The following RBM6 variants were observed in gnomAD, a reference collection of about 807,000 sequenced individuals.
RBM6 encodes the protein RNA binding motif protein 6.
Under a neutral mutation model 140.4 loss-of-function variants are expected in RBM6, and 23 were observed. The observed-to-expected ratio is 0.16, with a 90% CI of 0.12 to 0.23. The LOEUF is 0.23. RBM6 is among the 10% of genes least tolerant of loss of function. The pLI is 1.00. For synonymous variants in RBM6, 439 were observed against 475.6 expected (o/e 0.92, Z 1.00); for missense variants, 1,139 against 1,386.7 (o/e 0.82, Z 2.84).
intron 15 of RBM6, among the ~76,000 whole-genome samples, chr3:50,062,787 ATT>A (rs1426863400): frequency 6.6e-6 from 1 of 151,634 alleles, no homozygotes; most frequent in Non-Finnish European, 1.5e-5. Flanking sequence ...TATATACTCT[ATT>A]ATTTTTAATG....
intron 18 of RBM6, among the ~76,000 whole-genome samples, chr3:50,069,378 G>T (rs2090222249): frequency 6.6e-6 from 1 of 151,940 alleles, no homozygotes; most frequent in Non-Finnish European, 1.5e-5. Context: ...GTGGACATGG[G>T]GTGTGTGCCT....
chr3:49,982,262 CTTTTTTTTTTT>C (rs751604271), intron 5 of RBM6, among the ~76,000 whole-genome samples: 42 of 68,396 alleles, frequency 6.1e-4, no homozygotes, highest in East Asian at 1.3e-3. Flanking sequence ...CTTTTCTTTT[CTTTTTTTTTTT>C]TTTTTTTTTT....
rs1448237155 is a variant in RBM6 at position 50,061,443 on chromosome 3, C to G, written c.2354-19C>G. 1 of 1,587,592 alleles carries G rather than the reference C, an allele frequency of 6.3e-7. No homozygotes were observed. Among genetic ancestry groups the G allele is most frequent in the Non-Finnish European group, 8.5e-7 (1 of 1,173,540 alleles). On this transcript the variant is annotated intron_variant, in intron 13 of 20. Coordinates refer to ENST00000266022, the MANE Select transcript of RBM6 (RefSeq NM_005777.3). ...CATTGGACAGAGACTAACATTGGCT[C>G]TGATCTTGTTACCTTTAGCATCATC...
rs558177514 is a variant in RBM6, at chr3:49,993,905, G to A, written c.1484-5535G>A. Among the ~76,000 whole-genome samples the A allele has an allele frequency of 3.9e-5, 6 of 152,186 alleles. No individual in the cohort carries two copies. The East Asian group carries it at 1.2e-3, about 29-fold the overall frequency. Reference sequence around the variant, plus strand: ...TGCAGTGGGCCGAGATAGTGCCATTGCACTCTAGCCTGGGCGACAAAGGTG... The same window carrying A: ...TGCAGTGGGCCGAGATAGTGCCATTACACTCTAGCCTGGGCGACAAAGGTG... On this transcript the variant is annotated intron_variant, in intron 5 of 20. Coordinates refer to ENST00000266022, the MANE Select transcript of RBM6 (RefSeq NM_005777.3).
intron 6 of RBM6, among the ~76,000 whole-genome samples, chr3:50,003,380 A>G (rs2086433416): frequency 6.6e-6 from 1 of 150,556 alleles, no homozygotes; most frequent in Non-Finnish European, 1.5e-5. Flanking sequence ...CCAAATTGGT[A>G]TGGATTCTGA....
intron 6 of RBM6, among the ~76,000 whole-genome samples, chr3:50,029,719 C>T (rs1247873551): frequency 2.6e-5 from 4 of 151,744 alleles, no homozygotes; most frequent in African/African-American, 7.3e-5. Context: ...GGCGACAGAG[C>T]GAGACTCTGT....
intron 5 of RBM6, among the ~76,000 whole-genome samples, chr3:49,988,436 G>T (rs1001003624): frequency 6.6e-6 from 1 of 151,766 alleles, no homozygotes; most frequent in Admixed American, 6.6e-5. Flanking sequence ...GAGCCAGTGC[G>T]CCTGGCCTTC....
intron 7 of RBM6, among the ~76,000 whole-genome samples, chr3:50,053,227 T>C (rs1010824343): frequency 6.6e-6 from 1 of 151,866 alleles, no homozygotes; most frequent in Admixed American, 6.6e-5. Flanking sequence ...AAATACATGG[T>C]ATGTACTATT....
intron 1 of RBM6, among the ~76,000 whole-genome samples, chr3:49,947,274 G>T (rs1000212659): frequency 5.7e-5 from 5 of 87,628 alleles, no homozygotes; most frequent in African/African-American, 1.1e-4. Flanking sequence ...GGGGGGGGGG[G>T]GGGTTTTGAG....
intron 6 of RBM6, among the ~76,000 whole-genome samples, chr3:50,001,314 G>GA (rs1334217136): frequency 6.6e-6 from 1 of 151,928 alleles, no homozygotes. Flanking sequence ...AAATAAAAGT[G>GA]AAAAAATTAG....
intron 4 of RBM6, 135 bp downstream of exon 4, chr3:49,972,283 C>T: frequency 3.0e-6 from 2 of 674,006 alleles, no homozygotes; most frequent in Non-Finnish European, 5.0e-6. Context: ...TTCCCATCTT[C>T]CCTCAGTGTT....
chr3:49,953,081 G>C lies in RBM6; in HGVS notation c.-66-9495G>C, dbSNP rs568948173. Among the ~76,000 whole-genome samples, 3 of 151,996 alleles carry C rather than the reference G, an allele frequency of 2.0e-5. No individual in the cohort carries two copies. The East Asian group carries it at 5.8e-4, about 30-fold the overall frequency. On this transcript the variant is annotated intron_variant, in intron 1 of 20. Coordinates refer to ENST00000266022, the MANE Select transcript of RBM6 (RefSeq NM_005777.3). ...CTTCTTTTCTTTTTTTTTGAGGCAG[G>C]GTCTTGCTCTGTTGCCCAGGCTGGA...
intron 5 of RBM6, among the ~76,000 whole-genome samples, chr3:49,983,177 T>G (rs2085390585): frequency 6.6e-6 from 1 of 152,254 alleles, no homozygotes; most frequent in South Asian, 2.1e-4. Flanking sequence ...AACAGGCTCA[T>G]GTCCTTTCAT....
At chr3:49,959,336 C>T (rs2084170795) in intron 1 of RBM6, among the ~76,000 whole-genome samples, 1 of 149,928 alleles carries the variant, frequency 6.7e-6, no homozygotes, top group Non-Finnish European at 1.5e-5. Context: ...CTACAGGTGC[C>T]CGCCACCACG....
At chr3:49,971,145 A>C (rs1258924428) in intron 3 of RBM6, among the ~76,000 whole-genome samples, 1 of 151,930 alleles carries the variant, frequency 6.6e-6, no homozygotes, top group East Asian at 1.9e-4. Context: ...GCATGTGTGT[A>C]ATCCCAGCTA....
At chr3:49,942,122 A>G (rs1358711272) in intron 1 of RBM6, among the ~76,000 whole-genome samples, 1 of 151,564 alleles carries the variant, frequency 6.6e-6, no homozygotes, top group Non-Finnish European at 1.5e-5. Flanking sequence ...TCAATTAAAT[A>G]AATTGTGGTA....
chr3:50,043,587 C>T (rs944366083), intron 6 of RBM6, among the ~76,000 whole-genome samples: 2 of 151,192 alleles, frequency 1.3e-5, no homozygotes, highest in East Asian at 1.9e-4. Context: ...TATATATGGC[C>T]CCTCTTTTTT....
intron 5 of RBM6, among the ~76,000 whole-genome samples, chr3:49,986,707 T>C (rs1445938411): frequency 6.6e-6 from 1 of 151,916 alleles, no homozygotes; most frequent in African/African-American, 2.4e-5. Context: ...TTTGTCTCTT[T>C]CTCTCTCTTC....
intron 16 of RBM6, among the ~76,000 whole-genome samples, chr3:50,065,420 C>G (rs1053133660): frequency 7.9e-5 from 12 of 152,204 alleles, no homozygotes; most frequent in African/African-American, 2.9e-4. Flanking sequence ...CTTGTCAGTT[C>G]TCTAAATCAC....
Sources: gnomAD v4.1 joint callset for allele counts (sites outside exome capture counted in the v4.1 genomes callset) on GRCh38, gnomAD v4.1.1 for gene constraint, MANE v1.5 for transcripts, NCBI Gene and HGNC (gene_info 2026-07-23, HGNC 2026-07-21) for gene names.